Variants in PCDH9 observed in about 807,000 individuals in gnomAD.
PCDH9 encodes the protein protocadherin 9.
In PCDH9, 24 loss-of-function variants were observed where a neutral mutation model predicts 70.6. The ratio of observed to expected loss-of-function variants is 0.34; its 90% CI spans 0.25 to 0.48. The LOEUF is 0.48. Ranked by LOEUF, PCDH9 falls within the 20% of genes least tolerant of loss-of-function variation. The pLI is 0.99. For missense variants in PCDH9, 1,281 were observed against 1,503.6 expected (o/e 0.85, Z 2.45); for synonymous variants, 562 against 558.5 (o/e 1.01, Z -0.09).
chr13:66,953,682 T>A (rs2083221243), intron 2 of PCDH9, among the ~76,000 whole-genome samples: 1 of 152,202 alleles, frequency 6.6e-6, no homozygotes, highest in African/African-American at 2.4e-5. Context: ...TCTTTGTGGA[T>A]CCTCATTTAC....
intron 2 of PCDH9, among the ~76,000 whole-genome samples, chr13:67,101,138 T>C (rs775045551): frequency 5.3e-5 from 8 of 152,138 alleles, no homozygotes; most frequent in Non-Finnish European, 8.8e-5. Flanking sequence ...CCATCAGCAA[T>C]GGGGATTTCT....
chr13:66,371,296 C>G (rs1369036998), intron 4 of PCDH9, among the ~76,000 whole-genome samples: 1 of 152,078 alleles, frequency 6.6e-6, no homozygotes, highest in Non-Finnish European at 1.5e-5. Flanking sequence ...AGCTTGGTGA[C>G]TTTCCAGTTA....
At chr13:66,878,605 T>C (rs1258641841) in intron 3 of PCDH9, among the ~76,000 whole-genome samples, 1 of 152,172 alleles carries the variant, frequency 6.6e-6, no homozygotes, top group African/African-American at 2.4e-5. Context: ...GAGAATGATG[T>C]TGGGTACAAC....
At chr13:66,737,356 C>G (rs1354836373) in intron 3 of PCDH9, among the ~76,000 whole-genome samples, 2 of 152,160 alleles carry the variant, frequency 1.3e-5, no homozygotes, top group African/African-American at 4.8e-5. Flanking sequence ...TTGAAACTTT[C>G]TTTCTCAATA....
intron 3 of PCDH9, among the ~76,000 whole-genome samples, chr13:66,794,195 A>T (rs181515887): frequency 5.3e-5 from 8 of 152,232 alleles, no homozygotes; most frequent in Non-Finnish European, 8.8e-5. Context: ...CTGTAATGTT[A>T]ATTTACTATG....
intron 2 of PCDH9, among the ~76,000 whole-genome samples, chr13:67,071,153 G>A (rs1466459826): frequency 6.6e-6 from 1 of 152,092 alleles, no homozygotes; most frequent in African/African-American, 2.4e-5. Flanking sequence ...AAAACAAGGA[G>A]AGCCAAATTA....
At chr13:66,583,285 T>C (rs970851240) in intron 4 of PCDH9, among the ~76,000 whole-genome samples, 1 of 152,140 alleles carries the variant, frequency 6.6e-6, no homozygotes, top group Admixed American at 6.6e-5. Context: ...GATTATAATT[T>C]CTTACCACTT....
chr13:67,077,360 C>T lies in PCDH9; in HGVS notation c.3036+148045G>A, dbSNP rs7318303. Among the ~76,000 whole-genome samples the T allele has an allele frequency of 7.9e-3, 1,197 of 152,210 alleles. 21 individuals carry two copies. The highest frequency in any genetic ancestry group is 0.027 in the African/African-American group (1,113 of 41,538). On this transcript the variant is annotated intron_variant, in intron 2 of 4. Transcript: ENST00000377865. ...TTGCCTCAGATAGTCACTGGTCTGC[C>T]TGTCCAACTATTTGTTTGTTTTTCA...
intron 2 of PCDH9, among the ~76,000 whole-genome samples, chr13:67,033,747 C>G (rs757088715): frequency 6.6e-6 from 1 of 152,116 alleles, no homozygotes; most frequent in Non-Finnish European, 1.5e-5. Flanking sequence ...GTGTCTTTAA[C>G]GCTTAAGAAG....
At chr13:67,083,358 T>A (rs745479003) in intron 2 of PCDH9, among the ~76,000 whole-genome samples, 6 of 152,168 alleles carry the variant, frequency 3.9e-5, no homozygotes, top group Non-Finnish European at 7.4e-5. Flanking sequence ...ATCATTCTTA[T>A]ATCAGCCTTA....
intron 3 of PCDH9, among the ~76,000 whole-genome samples, chr13:66,760,657 C>G (rs2079610509): frequency 6.6e-6 from 1 of 152,156 alleles, no homozygotes; most frequent in Non-Finnish European, 1.5e-5. Context: ...CAGCGATTTT[C>G]AGGCAACAAA....
At chr13:66,949,126 T>C (rs9540953) in intron 2 of PCDH9, among the ~76,000 whole-genome samples, 24,313 of 152,076 alleles carry the variant, frequency 0.16, 2,134 homozygotes, top group Non-Finnish European at 0.18. Context: ...ACAAAAGCTT[T>C]CTGGGTGCTT....
chr13:67,115,511 C>G (rs2086743514), intron 2 of PCDH9, among the ~76,000 whole-genome samples: 1 of 152,104 alleles, frequency 6.6e-6, no homozygotes, highest in Non-Finnish European at 1.5e-5. Context: ...ATTTCTTTTC[C>G]CAAAATAAAG....
At chr13:67,094,950 T>C (rs964020552) in intron 2 of PCDH9, among the ~76,000 whole-genome samples, 1 of 152,140 alleles carries the variant, frequency 6.6e-6, no homozygotes, top group Non-Finnish European at 1.5e-5. Flanking sequence ...TTTTAAGAGC[T>C]GAAAAGCAAC....
chr13:67,060,776 C>T (rs2085524070), intron 2 of PCDH9, among the ~76,000 whole-genome samples: 1 of 152,062 alleles, frequency 6.6e-6, no homozygotes, highest in Non-Finnish European at 1.5e-5. Context: ...TCATCTACTC[C>T]ATCCTTTCCT....
intron 4 of PCDH9, among the ~76,000 whole-genome samples, chr13:66,397,835 C>CA (rs746946109): frequency 9.9e-5 from 15 of 151,614 alleles, no homozygotes; most frequent in Non-Finnish European, 1.9e-4. Flanking sequence ...CATATGAATG[C>CA]AAAATAACAA....
chr13:66,447,711 C>T (rs918104690), intron 4 of PCDH9, among the ~76,000 whole-genome samples: 13 of 152,146 alleles, frequency 8.5e-5, no homozygotes, highest in African/African-American at 3.1e-4. Context: ...ATTAGAAATA[C>T]TTGAACAAAT....
intron 4 of PCDH9, among the ~76,000 whole-genome samples, chr13:66,475,463 A>G (rs970137969): frequency 5.3e-5 from 8 of 152,122 alleles, no homozygotes; most frequent in Admixed American, 2.6e-4. Context: ...CCATATTCTC[A>G]TATGTAAGAA....
At chr13:66,742,787 C>T (rs950021720) in intron 3 of PCDH9, among the ~76,000 whole-genome samples, 23 of 149,124 alleles carry the variant, frequency 1.5e-4, no homozygotes, top group African/African-American at 5.4e-4. Context: ...ATCAAAACCA[C>T]TATGAGATAT....
Sources: gnomAD v4.1 joint callset for allele counts (sites outside exome capture counted in the v4.1 genomes callset) on GRCh38, gnomAD v4.1.1 for gene constraint, MANE v1.5 for transcripts, NCBI Gene and HGNC (gene_info 2026-07-23, HGNC 2026-07-21) for gene names.